Variants in FOSL1 observed in about 807,000 individuals in gnomAD.
FOSL1 encodes fos-related antigen 1.
A neutral mutation model predicts 24.9 loss-of-function variants in FOSL1; 14 were observed. That is an observed-to-expected ratio of 0.56 (90% confidence interval 0.37 to 0.88). The LOEUF is 0.88. FOSL1 is among the 40% of genes least tolerant of loss of function. FOSL1 has a pLI of 0.00. For missense variants in FOSL1, 318 were observed against 359.8 expected (o/e 0.88, Z 0.94); for synonymous variants, 133 against 145.1 (o/e 0.92, Z 0.60).
intron 3 of FOSL1, among the ~76,000 whole-genome samples, chr11:65,893,612 G>A (rs1192099864): frequency 6.6e-6 from 1 of 152,102 alleles, no homozygotes; most frequent in Non-Finnish European, 1.5e-5. Flanking sequence ...CTAACTTGGC[G>A]AAACCCCGTC....
chr11:65,896,718 TA>T, intron 2 of FOSL1, 90 bp downstream of exon 2: 1 of 1,137,432 alleles, frequency 8.8e-7, no homozygotes. Flanking sequence ...TACCCCCTCC[TA>T]AGCCTGTGCT....
intron 1 of FOSL1, among the ~76,000 whole-genome samples, chr11:65,898,241 A>G (rs1217503939): frequency 6.6e-6 from 1 of 151,900 alleles, no homozygotes; most frequent in Non-Finnish European, 1.5e-5. Flanking sequence ...GGGTTTCACT[A>G]TGTTGGCCAG....
chr11:65,898,218 T>A (rs895988001), intron 1 of FOSL1, among the ~76,000 whole-genome samples: 1 of 152,014 alleles, frequency 6.6e-6, no homozygotes, highest in African/African-American at 2.4e-5. Context: ...TTTTTGTATT[T>A]TTAGTAGAGA....
At position 65,896,851 on chromosome 11, in the gene FOSL1, G is replaced by A. The variant is rs1305508174; in HGVS notation, c.255C>T (p.Ala85=). The A allele has an allele frequency of 7.4e-6, 12 of 1,613,068 alleles. No homozygotes were observed. Among genetic ancestry groups the A allele is most frequent in the African/African-American group, 1.3e-5 (1 of 74,892 alleles). The change falls in exon 2 of 4, where the codon GCC becomes GCT. Residue 85 remains alanine, a synonymous_variant. Transcript: ENST00000312562. ...GACGTACCCCTGGAGGCGGCCCCAG[G>A]GCCCGGATGACTCCTGGCCGGGGTT... The part of the protein sequence containing the change: ...PPQPRPGVIR[A]LGPPPGVRRR...
At chr11:65,898,962 GA>G (rs745881086) in intron 1 of FOSL1, among the ~76,000 whole-genome samples, 17 of 31,054 alleles carry the variant, frequency 5.5e-4, no homozygotes, top group African/African-American at 9.4e-4. Flanking sequence ...CCCTGTCTCA[GA>G]AAAAAAAAAA....
rs114787843 is a variant in FOSL1, at chr11:65,893,177, C to A, written c.525G>T (p.Pro175=). The A allele has an allele frequency of 6.2e-7, 1 of 1,613,832 alleles. No homozygotes were observed. Residue 175 remains proline (P), a synonymous_variant, in exon 4 of 4, where the codon CCG becomes CCT. Transcript: ENST00000312562. ...LEAHRPICKI[P]EGAKEGDTGS... ...CTGTGTCCCCCTCCTTGGCTCCTTCCGGGATTTTGCAGATGGGTCGGTGGG... is the reference window on the plus strand; with the variant it reads ...CTGTGTCCCCCTCCTTGGCTCCTTCAGGGATTTTGCAGATGGGTCGGTGGG...
chr11:65,893,164 C>T lies in FOSL1; in HGVS notation c.538G>A (p.Glu180Lys). ...PICKIPEGAK[E>K]GDTGSTSGTS... Reference sequence around the variant, plus strand: ...CCACTGGTACTGCCTGTGTCCCCCTCCTTGGCTCCTTCCGGGATTTTGCAG... The same window carrying T: ...CCACTGGTACTGCCTGTGTCCCCCTTCTTGGCTCCTTCCGGGATTTTGCAG... Residue 180 changes from glutamate (E) to lysine (K), a missense_variant, in exon 4 of 4, where the codon GAG becomes AAG. Physicochemically the swap from Glu to Lys is moderately conservative, Grantham distance 56 (BLOSUM62 1). Coordinates refer to ENST00000312562, the MANE Select transcript of FOSL1 (RefSeq NM_005438.5). 3 of 1,613,722 alleles carry T rather than the reference C, an allele frequency of 1.9e-6. No individual in the cohort carries two copies. The highest frequency in any genetic ancestry group is 2.5e-6 in the Non-Finnish European group (3 of 1,179,974).
At chr11:65,893,901 T>C (rs1342472542) in intron 3 of FOSL1, 113 bp downstream of exon 3, 5 of 733,902 alleles carry the variant, frequency 6.8e-6, no homozygotes, top group Non-Finnish European at 1.2e-5. Flanking sequence ...CCAGAAGGAC[T>C]GCCCCTCAGA....
chr11:65,897,005 T>G lies in FOSL1; in HGVS notation c.101A>C (p.Lys34Thr). ...PPAAAQAAQQ[K>T]FHLVPSINTM... is the part of the protein sequence containing the mutation. ...GTTGATGCTTGGCACCAGGTGGAAC[T>G]TCTAAGGAATAAGAAATGGAAGGCC... Residue 34 changes from lysine to threonine, a missense_variant and splice_region_variant, in exon 2 of 4, where the codon AAG (lysine) becomes ACG (threonine). Lys to Thr is a moderately conservative substitution (Grantham distance 78, BLOSUM62 -1). Transcript: ENST00000312562. 1 of 1,613,488 alleles carries G rather than the reference T, an allele frequency of 6.2e-7. No individual in the cohort carries two copies. The highest frequency in any genetic ancestry group is 1.6e-4 in the Middle Eastern group (1 of 6,062).
chr11:65,896,921 C>A lies in FOSL1; in HGVS notation c.185G>T (p.Ser62Ile), dbSNP rs1321931685. ...GTAGGTCAGAGGCCTGGGGTAACTGCTGGGCCCCAGGAAATGAGGCTGTAC... is the reference window on the plus strand; with the variant it reads ...GTAGGTCAGAGGCCTGGGGTAACTGATGGGCCCCAGGAAATGAGGCTGTAC... The part of the protein sequence containing the change: ...WMVQPHFLGP[S>I]SYPRPLTYPQ... Residue 62 changes from serine to isoleucine, a missense_variant, in exon 2 of 4, where the codon AGC becomes ATC. By Grantham distance (142) the Ser-to-Ile change is moderately radical. Transcript: ENST00000312562. The A allele has an allele frequency of 2.5e-6, 4 of 1,613,974 alleles. No homozygotes were observed. In the Admixed American group the frequency reaches 6.7e-5, roughly 27 times the overall value.
intron 2 of FOSL1, among the ~76,000 whole-genome samples, 200 bp from the exon 3 acceptor site, chr11:65,894,321 C>A (rs980794725): frequency 6.6e-6 from 1 of 152,202 alleles, no homozygotes; most frequent in African/African-American, 2.4e-5. Flanking sequence ...CTCCTCGCAC[C>A]TAGCTTTAGT....
chr11:65,899,326 C>T (rs1860611085), intron 1 of FOSL1, among the ~76,000 whole-genome samples: 1 of 152,206 alleles, frequency 6.6e-6, no homozygotes. Context: ...GCACCGCCGG[C>T]GGCATCTCCC....
chr11:65,893,976 G>C, intron 3 of FOSL1, 38 bp downstream of exon 3: 4 of 1,409,428 alleles, frequency 2.8e-6, no homozygotes, highest in Non-Finnish European at 3.9e-6. Context: ...TGGGAGACAG[G>C]GTCCCTCTGA....
chr11:65,899,673 AC>A (rs988333960), intron 1 of FOSL1, among the ~76,000 whole-genome samples: 7 of 151,874 alleles, frequency 4.6e-5, no homozygotes, highest in Admixed American at 2.0e-4. Flanking sequence ...CACTGCCCGG[AC>A]CCCCCTGGAC....
At position 65,892,967 on chromosome 11, in the gene FOSL1, G is replaced by A. The variant is rs1565286881; in HGVS notation, c.735C>T (p.Ala245=). 6.2e-7 allele frequency: 1 copy of A among 1,612,806 alleles called. No individual in the cohort carries two copies. ...FTYPSTPEPC[A]SAHRKSSSSS... ...TGCTGCTACTCTTGCGATGAGCTGA[G>A]GCACAAGGCTCAGGAGTGCTGGGGT... The change falls in exon 4 of 4, where the codon GCC becomes GCT. Residue 245 remains alanine, a synonymous_variant. Transcript: ENST00000312562.
chr11:65,897,633 C>T (rs554814992), intron 1 of FOSL1, among the ~76,000 whole-genome samples: 35 of 152,262 alleles, frequency 2.3e-4, no homozygotes, highest in African/African-American at 7.7e-4. Context: ...AACCACAGCG[C>T]CCAGCCTAGT....
chr11:65,900,407 CTT>C, upstream of FOSL1: 1 of 919,562 alleles, frequency 1.1e-6, no homozygotes, highest in Non-Finnish European at 1.4e-6. Flanking sequence ...CGTGCGGAGT[CTT>C]TTCTTTTTAT....
chr11:65,899,579 G>A (rs1342488784), intron 1 of FOSL1, among the ~76,000 whole-genome samples: 2 of 152,230 alleles, frequency 1.3e-5, no homozygotes, highest in Non-Finnish European at 2.9e-5. Context: ...GCCTGACCCC[G>A]CGCACGTCCC....
chr11:65,900,185 C>T (rs1030468301), intron 1 of FOSL1, 56 bp downstream of exon 1: 25 of 902,036 alleles, frequency 2.8e-5, no homozygotes, highest in Non-Finnish European at 3.3e-5. Flanking sequence ...GGGAGTTGAC[C>T]CCGGCCTCCC....
Sources: allele counts gnomAD v4.1 joint callset (sites outside exome capture counted in the v4.1 genomes callset), GRCh38; gene constraint gnomAD v4.1.1; transcripts MANE v1.5; gene names NCBI Gene and HGNC (gene_info 2026-07-23, HGNC 2026-07-21).